Variants in DCTN6 observed in about 807,000 individuals in gnomAD.
DCTN6 encodes dynactin subunit 6, also known as dynactin 6.
In DCTN6, 15 loss-of-function variants were observed where a neutral mutation model predicts 25.8. The ratio of observed to expected loss-of-function variants is 0.58; its 90% CI spans 0.39 to 0.89. DCTN6 has a LOEUF of 0.89. DCTN6 is among the 40% of genes least tolerant of loss of function. DCTN6 has a pLI of 0.00. For synonymous variants in DCTN6, 64 were observed against 78.3 expected, an observed-to-expected ratio of 0.82 and a Z score of 0.96; for missense variants, 198 against 237.6, an observed-to-expected ratio of 0.83 and a Z score of 1.09.
At chr8:30,182,304 G>A (rs575327644) in intron 6 of DCTN6, among the ~76,000 whole-genome samples, 5 of 152,240 alleles carry the variant, frequency 3.3e-5, no homozygotes, top group South Asian at 2.1e-4. Context: ...CACAAGTACC[G>A]CAGTGAGTTT....
chr8:30,161,698 G>T (rs1466659006), intron 1 of DCTN6, among the ~76,000 whole-genome samples: 1 of 151,790 alleles, frequency 6.6e-6, no homozygotes, highest in Non-Finnish European at 1.5e-5. Flanking sequence ...TTGCTTAGAT[G>T]TATGCATATG....
chr8:30,173,558 TAGTG>T (rs1234600759), intron 2 of DCTN6, among the ~76,000 whole-genome samples: 11 of 151,706 alleles, frequency 7.3e-5, no homozygotes, highest in African/African-American at 2.2e-4. Context: ...CTGGGCAACA[TAGTG>T]AGACCCCATC....
chr8:30,159,598 T>C (rs1481422098), intron 1 of DCTN6, among the ~76,000 whole-genome samples: 2 of 152,098 alleles, frequency 1.3e-5, no homozygotes, highest in African/African-American at 2.4e-5. Context: ...GACCATTCCA[T>C]AGATACCTCA....
At chr8:30,168,615 A>G (rs1324194280) in intron 2 of DCTN6, among the ~76,000 whole-genome samples, 1 of 152,174 alleles carries the variant, frequency 6.6e-6, no homozygotes, top group Non-Finnish European at 1.5e-5. Context: ...AAATTATTCC[A>G]TTCTGAAATA....
In DCTN6 at chr8:30,170,727, T is replaced by C. The variant is rs564734712; in HGVS notation, c.89-4358T>C. On this transcript the variant is annotated intron_variant, in intron 2 of 6. Transcript: ENST00000221114. ...CGCAGTCTCGGCTCACTGCAACCTC[T>C]GCCTCCCGGGTTCAGGTGACCCTCC... 2.6e-4 allele frequency among the ~76,000 whole-genome samples: 38 copies of C among 147,586 alleles called. No individual in the cohort carries two copies. In the South Asian group the frequency reaches 8.5e-3, roughly 33 times the overall value.
intron 2 of DCTN6, among the ~76,000 whole-genome samples, chr8:30,170,679 T>G (rs1283160081): frequency 6.6e-6 from 1 of 151,986 alleles, no homozygotes; most frequent in East Asian, 1.9e-4. Context: ...TCTCACTTTG[T>G]CACCCAGGCT....
At chr8:30,174,334 T>C (rs1383455382) in intron 2 of DCTN6, among the ~76,000 whole-genome samples, 1 of 152,014 alleles carries the variant, frequency 6.6e-6, no homozygotes, top group African/African-American at 2.4e-5. Context: ...TTTCTCCTTT[T>C]TTTTTTTTCT....
chr8:30,162,836 A>T (rs1158433768), intron 1 of DCTN6, among the ~76,000 whole-genome samples: 1 of 152,204 alleles, frequency 6.6e-6, no homozygotes, highest in African/African-American at 2.4e-5. Flanking sequence ...TGTAAATTTT[A>T]AATTTCTAAG....
rs1789273020 is a variant in DCTN6, at chr8:30,157,384, A to G, written c.23+978A>G. Among the ~76,000 whole-genome samples, 4 of 152,318 alleles carry G rather than the reference A, an allele frequency of 2.6e-5. 1 individual carries two copies. In the South Asian group the frequency reaches 8.3e-4, roughly 32 times the overall value. On this transcript the variant is annotated intron_variant, in intron 1 of 6. Transcript: ENST00000221114. The stretch of plus-strand genomic sequence containing the variant: ...TCCATACTTTGCTATTGTGAATAGT[A>G]CAGTGATAGTCATAGGAGTGCAGTT...
chr8:30,160,233 A>C (rs1803579158), intron 1 of DCTN6, among the ~76,000 whole-genome samples: 1 of 152,160 alleles, frequency 6.6e-6, no homozygotes, highest in Admixed American at 6.5e-5. Flanking sequence ...GACCAGGTGG[A>C]GATAATTGAA....
chr8:30,175,485 A>G (rs1416280438), intron 3 of DCTN6, among the ~76,000 whole-genome samples: 2 of 151,266 alleles, frequency 1.3e-5, no homozygotes, highest in Admixed American at 1.3e-4. Context: ...ACATTTCCCG[A>G]ACACTTCAAG....
chr8:30,162,886 T>C (rs1463221276), intron 1 of DCTN6, among the ~76,000 whole-genome samples: 1 of 152,260 alleles, frequency 6.6e-6, no homozygotes, highest in Non-Finnish European at 1.5e-5. Context: ...TTTGAATGTA[T>C]ATTTTTTCTT....
intron 1 of DCTN6, among the ~76,000 whole-genome samples, chr8:30,160,473 C>G (rs1391299577): frequency 1.3e-5 from 2 of 152,100 alleles, no homozygotes; most frequent in Non-Finnish European, 2.9e-5. Flanking sequence ...TATAAATTAC[C>G]CAGTCTCAGG....
At position 30,180,515 on chromosome 8, in the gene DCTN6, C is replaced by T. The variant is rs760330563; in HGVS notation, c.359C>T (p.Thr120Ile). ...KAYVGRNVIL[T>I]SGCIIGACCN... ...TATGTAGGCAGAAATGTAATATTGA[C>T]AAGTGGCTGCATCATTGGGGCTTGT... Residue 120 changes from threonine (T) to isoleucine (I), a missense_variant, in exon 6 of 7, where the codon ACA becomes ATA. By Grantham distance (89) the Thr-to-Ile change is moderately conservative. Coordinates refer to ENST00000221114, the MANE Select transcript of DCTN6 (RefSeq NM_006571.4). The T allele has an allele frequency of 6.2e-7, 1 of 1,613,650 alleles. No homozygotes were observed. The highest frequency in any genetic ancestry group is 8.5e-7 in the Non-Finnish European group (1 of 1,179,820).
intron 1 of DCTN6, among the ~76,000 whole-genome samples, chr8:30,158,366 C>CAA (rs111241158): frequency 1.3e-5 from 2 of 151,528 alleles, no homozygotes; most frequent in African/African-American, 4.8e-5. Flanking sequence ...CATATTTTAA[C>CAA]AAAAAAAACC....
intron 1 of DCTN6, among the ~76,000 whole-genome samples, chr8:30,157,733 A>G (rs1803544802): frequency 6.6e-6 from 1 of 152,170 alleles, no homozygotes. Context: ...AGACAAGTGC[A>G]TAAGTAAAGC....
chr8:30,175,256 C>A, intron 3 of DCTN6, 66 bp downstream of exon 3: 1 of 1,376,118 alleles, frequency 7.3e-7, no homozygotes, highest in Non-Finnish European at 1.0e-6. Flanking sequence ...TTTCAGCTGT[C>A]TGTAAGAACC....
intron 1 of DCTN6, among the ~76,000 whole-genome samples, chr8:30,157,229 G>C (rs1244288691): frequency 1.3e-5 from 2 of 152,128 alleles, no homozygotes; most frequent in Non-Finnish European, 2.9e-5. Flanking sequence ...TAAGGTAATG[G>C]CCTCCAGTTC....
chr8:30,156,851 A>C (rs1803533245), intron 1 of DCTN6, among the ~76,000 whole-genome samples: 1 of 152,168 alleles, frequency 6.6e-6, no homozygotes, highest in African/African-American at 2.4e-5. Context: ...GCCGCACCCC[A>C]GGCCCTTCCT....
Sources: gnomAD v4.1 joint callset for allele counts (sites outside exome capture counted in the v4.1 genomes callset) on GRCh38, gnomAD v4.1.1 for gene constraint, MANE v1.5 for transcripts, NCBI Gene and HGNC (gene_info 2026-07-23, HGNC 2026-07-21) for gene names.